HDAC3: variants seen among roughly 807,000 people sequenced by gnomAD.
HDAC3 encodes the protein histone deacetylase 3.
A neutral mutation model predicts 62.3 loss-of-function variants in HDAC3; 21 were observed. The observed-to-expected ratio is 0.34, with a 90% CI of 0.24 to 0.49. HDAC3 has a LOEUF of 0.49. Ranked by LOEUF, HDAC3 falls within the 20% of genes least tolerant of loss-of-function variation. HDAC3 has a pLI of 0.99. For missense variants in HDAC3, 270 were observed against 556.9 expected, an observed-to-expected ratio of 0.48 and a Z score of 5.19; for synonymous variants, 198 against 206.5, an observed-to-expected ratio of 0.96 and a Z score of 0.35.
In HDAC3 at chr5:141,629,549, G is replaced by A; in HGVS notation, c.476+135C>T. Reference sequence around the variant, plus strand: ...GTAGGGAATCTGCAGCAGTGGAAGAGGCAGCCTGAATAAAGCATCAAGAAC... The same window carrying A: ...GTAGGGAATCTGCAGCAGTGGAAGAAGCAGCCTGAATAAAGCATCAAGAAC... On this transcript the variant is annotated intron_variant, in intron 6 of 14. Transcript: ENST00000305264. The surrounding 1 kb of genome is among the most constrained non-coding windows in gnomAD (Gnocchi z 5.3). 1.0e-6 allele frequency: 1 copy of A among 972,018 alleles called. No homozygotes were observed. The highest frequency in any genetic ancestry group is 2.4e-5 in the East Asian group (1 of 41,794). The allele number at this position is 972,018 out of a possible 1,614,324, so 60.2% of individuals were successfully genotyped here. A position where few individuals can be genotyped will look rare whatever the true frequency, so the allele number is the denominator to read the frequency against.
intron 3 of HDAC3, among the ~76,000 whole-genome samples, chr5:141,633,705 A>G (rs2099905555): frequency 6.6e-6 from 1 of 151,244 alleles, no homozygotes; most frequent in South Asian, 2.1e-4. Flanking sequence ...AGGCGCCTGT[A>G]ATCCCAGCTA....
rs1207669148 is a variant in HDAC3 at position 141,627,968 on chromosome 5, C to A, written c.766-11G>T. 4.3e-6 allele frequency: 7 copies of A among 1,614,162 alleles called. No homozygotes were observed. Among genetic ancestry groups the A allele is most frequent in the Non-Finnish European group, 5.9e-6 (7 of 1,180,024 alleles). On this transcript the variant is annotated splice_polypyrimidine_tract_variant and intron_variant, in intron 9 of 14. Transcript: ENST00000305264. ...AGAGTCAGCTCCACACTGCAAAAAGCAAAACCCCAGGAAAGTGCAGTGATC... is the reference window on the plus strand; with the variant it reads ...AGAGTCAGCTCCACACTGCAAAAAGAAAAACCCCAGGAAAGTGCAGTGATC...
In HDAC3 at chr5:141,627,883, C is replaced by T; in HGVS notation, c.830+10G>A. Reference sequence around the variant, plus strand: ...AAAACCTTGGGGAGAAGAAGGAGAGCAAGTCTCACCCATGCCCTCGGATGC... The same window carrying T: ...AAAACCTTGGGGAGAAGAAGGAGAGTAAGTCTCACCCATGCCCTCGGATGC... On this transcript the variant is annotated intron_variant, in intron 10 of 14. Transcript: ENST00000305264. The T allele has an allele frequency of 1.2e-6, 2 of 1,613,948 alleles. No individual in the cohort carries two copies. The highest frequency in any genetic ancestry group is 1.7e-6 in the Non-Finnish European group (2 of 1,179,870).
At chr5:141,623,842 C>T (rs1421179825) in intron 14 of HDAC3, among the ~76,000 whole-genome samples, 2 of 152,072 alleles carry the variant, frequency 1.3e-5, no homozygotes, top group African/African-American at 4.8e-5. Context: ...CACAAGTGTC[C>T]AGCTGTGGTT....
At chr5:141,634,677 A>T in intron 3 of HDAC3, 134 bp downstream of exon 3, 1 of 905,856 alleles carries the variant, frequency 1.1e-6, no homozygotes, top group Non-Finnish European at 1.7e-6. Context: ...ATATTTATTG[A>T]ATAAACAAAT....
chr5:141,634,301 C>T (rs1315569063), intron 3 of HDAC3, among the ~76,000 whole-genome samples: 1 of 152,114 alleles, frequency 6.6e-6, no homozygotes, highest in East Asian at 1.9e-4. Context: ...CAGTTCACCT[C>T]CTCTTCATAC....
In HDAC3 at chr5:141,625,667, C is replaced by G. The variant is rs748631152; in HGVS notation, c.1059+18G>C. On this transcript the variant is annotated intron_variant, in intron 13 of 14. Coordinates refer to ENST00000305264, the MANE Select transcript of HDAC3 (RefSeq NM_003883.4). This position sits in a 1 kb window ranked among gnomAD's most constrained non-coding sequence, Gnocchi z 4.0. The stretch of plus-strand genomic sequence containing the variant: ...CCTTTCAGGAGAAGTTTGTGCTCAG[C>G]TTTTCTGAGCTGCTGACCTGGCGTG... 15 of 1,612,324 alleles carry G rather than the reference C, an allele frequency of 9.3e-6. No individual in the cohort carries two copies. The highest frequency in any genetic ancestry group is 1.2e-5 in the Non-Finnish European group (14 of 1,178,456).
In HDAC3 at chr5:141,626,996, T is replaced by C. The variant is rs1330585260; in HGVS notation, c.831-713A>G. On this transcript the variant is annotated intron_variant, in intron 10 of 14. Coordinates refer to ENST00000305264, the MANE Select transcript of HDAC3 (RefSeq NM_003883.4). The surrounding 1 kb of genome is among the most constrained non-coding windows in gnomAD (Gnocchi z 4.6). The stretch of plus-strand genomic sequence containing the variant: ...TCAAACACAAATTGGATCATGTCAC[T>C]TTCCTGCTTAAAATCCTTCAATGGT... Among the ~76,000 whole-genome samples, 6 of 152,010 alleles carry C rather than the reference T, an allele frequency of 3.9e-5. No individual in the cohort carries two copies. Among genetic ancestry groups the C allele is most frequent in the Admixed American group, 2.0e-4 (3 of 15,266 alleles).
rs2099904893 is a variant in HDAC3, at chr5:141,629,454, G to A, written c.477-148C>T. On this transcript the variant is annotated intron_variant, in intron 6 of 14. Coordinates refer to ENST00000305264, the MANE Select transcript of HDAC3 (RefSeq NM_003883.4). This position sits in a 1 kb window ranked among gnomAD's most constrained non-coding sequence, Gnocchi z 5.3. Reference sequence around the variant, plus strand: ...ACCAGTTCCCTAAAGGCAACTGGGGGCTCCAGCCTAGAGGCTAGAGGCAGG... The same window carrying A: ...ACCAGTTCCCTAAAGGCAACTGGGGACTCCAGCCTAGAGGCTAGAGGCAGG... 3 of 1,133,890 alleles carry A rather than the reference G, an allele frequency of 2.6e-6. No individual in the cohort carries two copies. In the Admixed American group the frequency reaches 6.4e-5, roughly 24 times the overall value. 70.2% of individuals were successfully genotyped at this position (1,133,890 alleles called of 1,614,324 possible).
chr5:141,627,788 G>T (rs531913355), intron 10 of HDAC3, 105 bp downstream of exon 10: 2 of 928,820 alleles, frequency 2.2e-6, no homozygotes, highest in East Asian at 2.4e-5. Flanking sequence ...AGCTATTTTT[G>T]ATTTCCAAGA....
At chr5:141,634,763 G>T (rs1211424834) in intron 3 of HDAC3, 48 bp downstream of exon 3, 1 of 1,594,214 alleles carries the variant, frequency 6.3e-7, no homozygotes, top group Non-Finnish European at 8.6e-7. Context: ...CTCACTGAAG[G>T]GCTTGGCATT....
At position 141,628,225 on chromosome 5, in the gene HDAC3, G is replaced by A. The variant is rs756788322; in HGVS notation, c.692-38C>T. 4.5e-6 allele frequency: 7 copies of A among 1,556,416 alleles called. No homozygotes were observed. The highest frequency in any genetic ancestry group is 6.2e-6 in the Non-Finnish European group (7 of 1,127,654). On this transcript the variant is annotated intron_variant, in intron 8 of 14. Coordinates refer to ENST00000305264, the MANE Select transcript of HDAC3 (RefSeq NM_003883.4). This position sits in a 1 kb window ranked among gnomAD's most constrained non-coding sequence, Gnocchi z 4.7. Reference sequence around the variant, plus strand: ...CAAAGATGGGCACCTGGCACCCCAAGGGGATGGGGAGACAGGGAACAAAAG... The same window carrying A: ...CAAAGATGGGCACCTGGCACCCCAAAGGGATGGGGAGACAGGGAACAAAAG...
At position 141,630,934 on chromosome 5, in the gene HDAC3, G is replaced by GCCTTGGC. The variant is rs1358141645; in HGVS notation, c.282-816_282-810dup. On this transcript the variant is annotated intron_variant, in intron 3 of 14. Coordinates refer to ENST00000305264, the MANE Select transcript of HDAC3 (RefSeq NM_003883.4). The stretch of plus-strand genomic sequence containing the variant: ...ACTCCTGGGCCTAAGTGATCCTCCC[G>GCCTTGGC]CCTTGGCCTCCCAAATTGTTGGGAC... Among the ~76,000 whole-genome samples, 3 of 147,052 alleles carry GCCTTGGC rather than the reference G, an allele frequency of 2.0e-5. No homozygotes were observed. The East Asian group carries it at 6.0e-4, about 29-fold the overall frequency.
chr5:141,628,786 G>A lies in HDAC3; in HGVS notation c.611-147C>T, dbSNP rs2099904813. ...AGAGCCACTAAATCTCTTGCAGCTT[G>A]CATTCATTGGGCAAATAGTTTTGGG... On this transcript the variant is annotated intron_variant, in intron 7 of 14. Coordinates refer to ENST00000305264, the MANE Select transcript of HDAC3 (RefSeq NM_003883.4). This position sits in a 1 kb window ranked among gnomAD's most constrained non-coding sequence, Gnocchi z 4.7. 1.6e-6 allele frequency: 1 copy of A among 640,062 alleles called. No individual in the cohort carries two copies. Among genetic ancestry groups the A allele is most frequent in the Non-Finnish European group, 2.7e-6 (1 of 367,334 alleles). 39.6% of individuals were successfully genotyped at this position (640,062 alleles called of 1,614,324 possible). A position where few individuals can be genotyped will look rare whatever the true frequency, so the allele number is the denominator to read the frequency against.
intron 3 of HDAC3, among the ~76,000 whole-genome samples, chr5:141,631,535 A>G (rs1338939907): frequency 6.6e-6 from 1 of 152,248 alleles, no homozygotes; most frequent in Non-Finnish European, 1.5e-5. Flanking sequence ...TGAAAGGGGA[A>G]AGGAAGCCAA....
rs752565450 is a variant in HDAC3 at position 141,629,347 on chromosome 5, C to T, written c.477-41G>A. 3.5e-5 allele frequency: 57 copies of T among 1,612,360 alleles called. No individual in the cohort carries two copies. Among genetic ancestry groups the T allele is most frequent in the Non-Finnish European group, 4.7e-5 (56 of 1,179,078 alleles). On this transcript the variant is annotated intron_variant, in intron 6 of 14. Coordinates refer to ENST00000305264, the MANE Select transcript of HDAC3 (RefSeq NM_003883.4). The surrounding 1 kb of genome is among the most constrained non-coding windows in gnomAD (Gnocchi z 5.3). ...AGCCAGGGTCTGAGCTAGAAGTGAA[C>T]CCCCCAACCCACTCCTCTCAAACAC... is the stretch of plus-strand genomic sequence containing the variant.
chr5:141,635,094 G>A, intron 2 of HDAC3, 141 bp from the exon 3 acceptor site: 1 of 760,716 alleles, frequency 1.3e-6, no homozygotes, highest in Non-Finnish European at 2.1e-6. Context: ...TAAGTCAGTA[G>A]AGAGACTCCG....
At chr5:141,622,360 CT>C (rs1249930028) in intron 14 of HDAC3, among the ~76,000 whole-genome samples, 1 of 152,142 alleles carries the variant, frequency 6.6e-6, no homozygotes, top group Non-Finnish European at 1.5e-5. Context: ...AATCCCAGCA[CT>C]TTGGGAGGCC....
intron 14 of HDAC3, among the ~76,000 whole-genome samples, chr5:141,624,287 G>A (rs1266283946): frequency 2.2e-5 from 3 of 134,624 alleles, no homozygotes; most frequent in Non-Finnish European, 3.1e-5. Context: ...TATAATCCCA[G>A]CACTTTGGAA....
Sources: gnomAD v4.1 joint callset for allele counts (sites outside exome capture counted in the v4.1 genomes callset) on GRCh38, gnomAD v4.1.1 for gene constraint, Gnocchi (gnomAD v3.1) non-coding constraint, MANE v1.5 for transcripts, NCBI Gene and HGNC (gene_info 2026-07-23, HGNC 2026-07-21) for gene names.